The following GRIN3A variants were observed in gnomAD, a reference collection of about 807,000 sequenced individuals.
GRIN3A encodes the protein glutamate ionotropic receptor NMDA type subunit 3A, also known as glutamate receptor ionotropic, NMDA 3A.
GRIN3A carries 47 observed loss-of-function variants against 92.4 expected under a neutral mutation model. The observed-to-expected ratio is 0.51, with a 90% confidence interval of 0.40 to 0.65. The LOEUF is 0.65. Among genes scored for constraint, GRIN3A ranks in the 30% least tolerant of loss-of-function variants. The pLI is 0.00. For synonymous variants in GRIN3A, 527 were observed against 540.6 expected (o/e 0.97, Z 0.35); for missense variants, 1,324 against 1,393.1 (o/e 0.95, Z 0.79).
chr9:101,689,945 A>G (rs1482954958), intron 1 of GRIN3A, among the ~76,000 whole-genome samples: 1 of 152,228 alleles, frequency 6.6e-6, no homozygotes, highest in East Asian at 1.9e-4. Context: ...GAAAGAAGAT[A>G]TAAAGATTTT....
At chr9:101,622,302 A>G (rs112617014) in intron 5 of GRIN3A, among the ~76,000 whole-genome samples, 3,063 of 152,330 alleles carry the variant, frequency 0.02, 32 homozygotes, top group Non-Finnish European at 0.033. Flanking sequence ...AGATTTCTGG[A>G]AATAGCAGTT....
At chr9:101,727,806 A>G (rs904818035) in intron 1 of GRIN3A, among the ~76,000 whole-genome samples, 6 of 150,790 alleles carry the variant, frequency 4.0e-5, no homozygotes, top group African/African-American at 1.5e-4. Context: ...AGGATGCTTC[A>G]GCCTAAAGCT....
chr9:101,648,670 T>C (rs1270500614), intron 3 of GRIN3A, among the ~76,000 whole-genome samples: 1 of 152,100 alleles, frequency 6.6e-6, no homozygotes, highest in East Asian at 1.9e-4. Flanking sequence ...TCACAATTGT[T>C]ATATCCTTTT....
Position 101,613,484 on chromosome 9 carries a change from G to T in GRIN3A, c.2658C>A (p.Asn886Lys). ...GLPPNSPLTA[N>K]ISELISQYKS... Reference sequence around the variant, plus strand: ...TGTATTGACTGATTAGCTCGGATATGTTGGCGGTCAATGGAGAGTTGGGTG... The same window carrying T: ...TGTATTGACTGATTAGCTCGGATATTTTGGCGGTCAATGGAGAGTTGGGTG... Residue 886 changes from asparagine to lysine, a missense_variant, in exon 6 of 9, where the codon AAC becomes AAA. Asn to Lys is a moderately conservative substitution (Grantham distance 94). Transcript: ENST00000361820. 6.2e-7 allele frequency: 1 copy of T among 1,614,188 alleles called. No homozygotes were observed. Among genetic ancestry groups the T allele is most frequent in the Non-Finnish European group, 8.5e-7 (1 of 1,180,006 alleles).
intron 1 of GRIN3A, among the ~76,000 whole-genome samples, chr9:101,697,814 TA>T (rs1829702368): frequency 6.6e-6 from 1 of 152,178 alleles, no homozygotes; most frequent in African/African-American, 2.4e-5. Context: ...CTTTCTATTA[TA>T]AAGGTTAATA....
intron 3 of GRIN3A, among the ~76,000 whole-genome samples, chr9:101,634,367 T>G (rs940073201): frequency 1.3e-5 from 2 of 150,052 alleles, no homozygotes; most frequent in Admixed American, 6.7e-5. Context: ...ATTACTCCTT[T>G]TGAGGCATAG....
At position 101,572,946 on chromosome 9, in the gene GRIN3A, CCTGA is replaced by C. The variant is rs1265352494; in HGVS notation, c.*224_*227del. ...ACAGATCTCTCGCACAGAGCTTACT[CCTGA>C]CTAAGATTCTTGCTAGAAAAACACT... is the stretch of plus-strand genomic sequence containing the variant. On this transcript the variant is annotated 3_prime_UTR_variant, in exon 9 of 9. Coordinates refer to ENST00000361820, the MANE Select transcript of GRIN3A (RefSeq NM_133445.3). 10 of 559,160 alleles carry C rather than the reference CCTGA, an allele frequency of 1.8e-5. No individual in the cohort carries two copies. The highest frequency in any genetic ancestry group is 6.1e-5 in the South Asian group (3 of 49,016). 34.6% of individuals were successfully genotyped at this position (559,160 alleles called of 1,614,324 possible).
intron 6 of GRIN3A, chr9:101,592,754 C>CTTTTTTTT (rs11331695): frequency 7.0e-6 from 1 of 143,178 alleles, no homozygotes; most frequent in Non-Finnish European, 1.5e-5. Context: ...AATTTGTGGA[C>CTTTTTTTT]TTTTTTTTTT....
chr9:101,577,652 C>G, intron 8 of GRIN3A, 116 bp downstream of exon 8: 1 of 810,056 alleles, frequency 1.2e-6, no homozygotes, highest in Non-Finnish European at 2.2e-6. Context: ...TTATTTCCCT[C>G]TATTTATACT....
chr9:101,573,763 G>A (rs796567130), intron 8 of GRIN3A, among the ~76,000 whole-genome samples: 9 of 148,970 alleles, frequency 6.0e-5, no homozygotes, highest in African/African-American at 2.0e-4. Flanking sequence ...GATAGGATGG[G>A]GTATGGTGCA....
rs1451794205 is a variant in GRIN3A at position 101,573,344 on chromosome 9, T to G, written c.3178A>C (p.Thr1060Pro). The change falls in exon 9 of 9, where the codon ACC (threonine) becomes CCC (proline). Residue 1060 changes from threonine (T) to proline (P), a missense_variant. By Grantham distance (38) the Thr-to-Pro change is conservative. Transcript: ENST00000361820. The stretch of plus-strand genomic sequence containing the variant: ...AGGGAGTCTGCTTTCCCATTGGTGG[T>G]CCGCAAGGCAGGGAGCTCTCTTCTC... ...PRRRELPALR[T>P]TNGKADSLNV... is the part of the protein sequence containing the mutation. 3.1e-6 allele frequency: 5 copies of G among 1,613,936 alleles called. No homozygotes were observed. The East Asian group carries it at 1.1e-4, about 36-fold the overall frequency.
intron 3 of GRIN3A, among the ~76,000 whole-genome samples, chr9:101,655,647 G>A (rs184509937): frequency 3.5e-4 from 53 of 151,920 alleles, no homozygotes; most frequent in African/African-American, 1.2e-3. Flanking sequence ...CTTGATCCTT[G>A]GAAAAATCAC....
chr9:101,625,551 T>C (rs1290818078), intron 4 of GRIN3A, among the ~76,000 whole-genome samples: 2 of 152,188 alleles, frequency 1.3e-5, no homozygotes, highest in Non-Finnish European at 2.9e-5. Context: ...ACTCTTCAAA[T>C]AAGTGAAATA....
At chr9:101,684,670 G>T (rs1392027572) in intron 2 of GRIN3A, among the ~76,000 whole-genome samples, 5 of 152,050 alleles carry the variant, frequency 3.3e-5, no homozygotes, top group African/African-American at 1.2e-4. Context: ...GTCTGATCTT[G>T]GTAAAATGAG....
intron 3 of GRIN3A, among the ~76,000 whole-genome samples, chr9:101,643,433 C>T (rs1828893020): frequency 6.6e-6 from 1 of 151,790 alleles, no homozygotes; most frequent in Non-Finnish European, 1.5e-5. Context: ...AAAATGTAAC[C>T]CTTGTACACT....
At chr9:101,592,476 C>T (rs1828043496) in intron 6 of GRIN3A, 1 of 152,128 alleles carries the variant, frequency 6.6e-6, no homozygotes, top group Non-Finnish European at 1.5e-5. Flanking sequence ...CACAGAGAGG[C>T]TAAGTAAATT....
At chr9:101,594,432 T>C in intron 6 of GRIN3A, 1 of 1,610,266 alleles carries the variant, frequency 6.2e-7, no homozygotes, top group African/African-American at 1.3e-5. Context: ...ACCAGCTTCT[T>C]GTGGATCTCC....
rs1829307276 is a variant in GRIN3A, at chr9:101,670,792, G to A, written c.1620C>T (p.Gly540=). 1 of 1,614,052 alleles carries A rather than the reference G, an allele frequency of 6.2e-7. No homozygotes were observed. The highest frequency in any genetic ancestry group is 8.5e-7 in the Non-Finnish European group (1 of 1,179,972). ...EVDDEGLCPA[G]QLCLDPMTND... ...TAGTCATGGGGTCTAGACAGAGTTG[G>A]CCAGCAGGGCACAAGCCTTCATCAT... is the stretch of plus-strand genomic sequence containing the variant. Residue 540 remains glycine, a synonymous_variant, in exon 3 of 9, where the codon GGC becomes GGT. Transcript: ENST00000361820.
chr9:101,624,381 C>G (rs1394045592), intron 4 of GRIN3A, among the ~76,000 whole-genome samples: 18 of 123,196 alleles, frequency 1.5e-4, no homozygotes, highest in Middle Eastern at 4.6e-3. Flanking sequence ...CCCCTCCCCC[C>G]ACCCCACAAC....
Sources: gnomAD v4.1 joint callset for allele counts (sites outside exome capture counted in the v4.1 genomes callset) on GRCh38, gnomAD v4.1.1 for gene constraint, MANE v1.5 for transcripts, NCBI Gene and HGNC (gene_info 2026-07-23, HGNC 2026-07-21) for gene names.